CFAP20DC: variants seen among roughly 807,000 people sequenced by gnomAD.
CFAP20DC encodes protein CFAP20DC.
Under a neutral mutation model 101.7 loss-of-function variants are expected in CFAP20DC, and 84 were observed. The observed-to-expected ratio is 0.83, with a 90% CI of 0.69 to 0.99. The LOEUF (loss-of-function observed/expected upper bound fraction) is 0.99. Among genes scored for constraint, CFAP20DC ranks in the 50% least tolerant of loss-of-function variants. CFAP20DC has a pLI of 0.00. For synonymous variants in CFAP20DC, 359 were observed against 351.2 expected (o/e 1.02, Z -0.25); for missense variants, 1,007 against 970.3 (o/e 1.04, Z -0.50).
chr3:58,987,975 T>A (rs954165511), intron 4 of CFAP20DC, among the ~76,000 whole-genome samples: 8 of 152,002 alleles, frequency 5.3e-5, no homozygotes, highest in African/African-American at 7.2e-5. Context: ...TATAATTTTA[T>A]CATAAAACTA....
At chr3:58,900,708 A>G (rs925341949) in intron 6 of CFAP20DC, among the ~76,000 whole-genome samples, 9 of 152,250 alleles carry the variant, frequency 5.9e-5, no homozygotes, top group Non-Finnish European at 8.8e-5. Flanking sequence ...CAGCTCATGC[A>G]GCGTCCAAGC....
rs2068460400 is a variant in CFAP20DC, at chr3:58,750,052, C to G, written c.2332+3717G>C. 1.3e-5 allele frequency among the ~76,000 whole-genome samples: 2 copies of G among 152,142 alleles called. 1 individual carries two copies. Among genetic ancestry groups the G allele is most frequent in the Non-Finnish European group, 2.9e-5 (2 of 68,024 alleles). On this transcript the variant is annotated intron_variant, in intron 16 of 16. Transcript: ENST00000482387. ...AGATCCGAATGCAGTGCTCTTCCTG[C>G]TGGCCGGCTGTGATGGAAACCGGGC...
intron 6 of CFAP20DC, among the ~76,000 whole-genome samples, chr3:58,909,241 A>C (rs1361555973): frequency 6.6e-6 from 1 of 152,178 alleles, no homozygotes; most frequent in Non-Finnish European, 1.5e-5. Flanking sequence ...GGAAGGCTAC[A>C]TGCATGTGGG....
At chr3:58,790,561 G>A (rs1305927357) in intron 15 of CFAP20DC, among the ~76,000 whole-genome samples, 1 of 152,202 alleles carries the variant, frequency 6.6e-6, no homozygotes, top group African/African-American at 2.4e-5. Flanking sequence ...AAAAGGACAT[G>A]TGGATCCATG....
chr3:58,757,930 TA>T (rs1242006166), intron 15 of CFAP20DC, among the ~76,000 whole-genome samples: 1 of 152,140 alleles, frequency 6.6e-6, no homozygotes, highest in Non-Finnish European at 1.5e-5. Context: ...AACTAAAATA[TA>T]AAAAACTTTG....
chr3:58,716,224 C>T (rs1422491730), downstream of CFAP20DC, among the ~76,000 whole-genome samples: 3 of 137,246 alleles, frequency 2.2e-5, no homozygotes, highest in Non-Finnish European at 4.6e-5. Flanking sequence ...TGCAGTGGCG[C>T]AATCTCGGCT....
At chr3:58,756,504 T>A (rs1268470522) in intron 15 of CFAP20DC, among the ~76,000 whole-genome samples, 2 of 152,144 alleles carry the variant, frequency 1.3e-5, no homozygotes, top group Non-Finnish European at 2.9e-5. Flanking sequence ...CTTCCTTTTG[T>A]GTTACATTTT....
At chr3:58,779,204 A>G (rs2071608548) in intron 15 of CFAP20DC, among the ~76,000 whole-genome samples, 1 of 152,248 alleles carries the variant, frequency 6.6e-6, no homozygotes, top group South Asian at 2.1e-4. Flanking sequence ...TAATTCTGAA[A>G]AACAATATAA....
At chr3:58,907,094 CGTGT>C (rs35001935) in intron 6 of CFAP20DC, among the ~76,000 whole-genome samples, 8,828 of 149,192 alleles carry the variant, frequency 0.059, 536 homozygotes, top group East Asian at 0.37. Context: ...CTTTGTGCCT[CGTGT>C]GTGTGTGTGT....
In CFAP20DC at chr3:58,912,183, T is replaced by C. The variant is rs1329125928; in HGVS notation, c.550+1525A>G. Among the ~76,000 whole-genome samples the C allele has an allele frequency of 6.6e-6, 1 of 152,144 alleles. No individual in the cohort carries two copies. The highest frequency in any genetic ancestry group is 2.4e-5 in the African/African-American group (1 of 41,436). On this transcript the variant is annotated intron_variant, in intron 6 of 16. Coordinates refer to ENST00000482387, the MANE Select transcript of CFAP20DC (RefSeq NM_001394063.1). The surrounding 1 kb of genome is among the most constrained non-coding windows in gnomAD (Gnocchi z 4.4). ...GAAGGATCAGAGATTGAAACATGCA[T>C]TTACTTTGCTATGTTTGATCCACTT...
chr3:58,927,531 T>A (rs1017736859), intron 5 of CFAP20DC, among the ~76,000 whole-genome samples: 1 of 152,198 alleles, frequency 6.6e-6, no homozygotes, highest in East Asian at 1.9e-4. Flanking sequence ...ACCAAGTGCT[T>A]GTGTGAGATA....
At chr3:58,881,697 TAATAA>T (rs750100748) in intron 7 of CFAP20DC, among the ~76,000 whole-genome samples, 14 of 152,178 alleles carry the variant, frequency 9.2e-5, no homozygotes, top group Non-Finnish European at 1.9e-4. Context: ...TGTGCATTCA[TAATAA>T]AATATCACAA....
Position 58,913,654 on chromosome 3 carries a change from A to G in CFAP20DC, c.550+54T>C. On this transcript the variant is annotated intron_variant, in intron 6 of 16. Coordinates refer to ENST00000482387, the MANE Select transcript of CFAP20DC (RefSeq NM_001394063.1). This position sits in a 1 kb window ranked among gnomAD's most constrained non-coding sequence, Gnocchi z 4.4. ...CTCATACTATCCCAAAGGTATGGCT[A>G]ATTTTAAAAATACATCAGAGAATTA... 6.4e-7 allele frequency: 1 copy of G among 1,573,438 alleles called. No homozygotes were observed. Among genetic ancestry groups the G allele is most frequent in the Non-Finnish European group, 8.7e-7 (1 of 1,143,912 alleles).
At chr3:58,809,553 G>A (rs1025014394) in intron 14 of CFAP20DC, among the ~76,000 whole-genome samples, 11 of 151,968 alleles carry the variant, frequency 7.2e-5, no homozygotes, top group African/African-American at 2.4e-4. Context: ...ATTCAAAGCA[G>A]TGTGTAGAGG....
chr3:58,938,984 T>C (rs2088116000), intron 4 of CFAP20DC, among the ~76,000 whole-genome samples: 1 of 152,210 alleles, frequency 6.6e-6, no homozygotes, highest in South Asian at 2.1e-4. Flanking sequence ...TACCCTGATG[T>C]ATATACATAT....
chr3:58,873,490 G>C (rs2080441680), intron 7 of CFAP20DC, among the ~76,000 whole-genome samples: 1 of 148,296 alleles, frequency 6.7e-6, no homozygotes, highest in South Asian at 2.2e-4. Context: ...AGCTATGCTG[G>C]ATGCTGTCAG....
Position 58,971,778 on chromosome 3 carries a change from T to C in CFAP20DC, c.279-34016A>G, listed in dbSNP as rs1301974443. Among the ~76,000 whole-genome samples, 1 of 151,948 alleles carries C rather than the reference T, an allele frequency of 6.6e-6. No individual in the cohort carries two copies. On this transcript the variant is annotated intron_variant, in intron 4 of 16. Coordinates refer to ENST00000482387, the MANE Select transcript of CFAP20DC (RefSeq NM_001394063.1). The surrounding 1 kb of genome is among the most constrained non-coding windows in gnomAD (Gnocchi z 4.1). ...GCAGGTAACAGAGAAAGCCCCACTGTCACTACCAAACCAAATGCCAAAAAG... is the reference window on the plus strand; with the variant it reads ...GCAGGTAACAGAGAAAGCCCCACTGCCACTACCAAACCAAATGCCAAAAAG...
downstream of CFAP20DC, among the ~76,000 whole-genome samples, chr3:58,737,631 G>T (rs1057447660): frequency 6.6e-6 from 1 of 152,166 alleles, no homozygotes; most frequent in South Asian, 2.1e-4. This position sits in a 1 kb window ranked among gnomAD's most constrained non-coding sequence, Gnocchi z 4.1. Context: ...CACTAGTCCA[G>T]TATTTTCCAC....
chr3:58,999,352 C>A (rs13082751), intron 4 of CFAP20DC, among the ~76,000 whole-genome samples: 18,321 of 152,184 alleles, frequency 0.12, 1,399 homozygotes, highest in Middle Eastern at 0.18. Flanking sequence ...CTGCTCCAGG[C>A]TTCAGACAAG....
Sources: allele counts gnomAD v4.1 joint callset (sites outside exome capture counted in the v4.1 genomes callset), GRCh38; gene constraint gnomAD v4.1.1; non-coding constraint Gnocchi (gnomAD v3.1); transcripts MANE v1.5; gene names NCBI Gene and HGNC (gene_info 2026-07-23, HGNC 2026-07-21).